IGFBP7: variants seen among roughly 807,000 people sequenced by gnomAD.
IGFBP7 encodes insulin like growth factor binding protein 7.
IGFBP7 carries 31 observed loss-of-function variants against 29.4 expected under a neutral mutation model. The ratio of observed to expected loss-of-function variants is 1.05; its 90% CI spans 0.79 to 1.42. IGFBP7 has a LOEUF of 1.42. IGFBP7 is among the 40% of genes most tolerant of loss of function. The pLI, the probability that IGFBP7 is intolerant of heterozygous loss-of-function variation, is 0.00. For missense variants in IGFBP7, 393 were observed against 395.5 expected (o/e 0.99, Z 0.05); for synonymous variants, 172 against 174.9 (o/e 0.98, Z 0.13).
intron 2 of IGFBP7, among the ~76,000 whole-genome samples, chr4:57,034,479 C>T (rs1724034140): frequency 6.6e-6 from 1 of 151,988 alleles, no homozygotes; most frequent in Non-Finnish European, 1.5e-5. Flanking sequence ...TAGCTAGTTT[C>T]CTTTTCATTT....
chr4:57,073,941 C>T (rs1468454430), intron 1 of IGFBP7, among the ~76,000 whole-genome samples: 2 of 152,196 alleles, frequency 1.3e-5, no homozygotes, highest in East Asian at 1.9e-4. Context: ...GAGGACCTAG[C>T]GACTTTCCCA....
chr4:57,078,265 A>T (rs1725277249), intron 1 of IGFBP7, among the ~76,000 whole-genome samples: 1 of 152,132 alleles, frequency 6.6e-6, no homozygotes, highest in Non-Finnish European at 1.5e-5. Context: ...TTTACAGAGG[A>T]GGAAACTGAG....
intron 1 of IGFBP7, among the ~76,000 whole-genome samples, chr4:57,085,016 T>C (rs1168554960): frequency 6.6e-6 from 1 of 152,050 alleles, no homozygotes; most frequent in Non-Finnish European, 1.5e-5. Context: ...CTCGAACTCC[T>C]GGGATCAAGC....
intron 1 of IGFBP7, among the ~76,000 whole-genome samples, chr4:57,079,425 C>T (rs993685752): frequency 1.3e-5 from 2 of 152,142 alleles, no homozygotes; most frequent in African/African-American, 4.8e-5. Context: ...AGAGCAGAGC[C>T]TTGCTTATCT....
chr4:57,106,846 T>G (rs1172757682), intron 1 of IGFBP7, among the ~76,000 whole-genome samples: 1 of 152,216 alleles, frequency 6.6e-6, no homozygotes, highest in Non-Finnish European at 1.5e-5. Context: ...TGTATCAACT[T>G]CTTTTTATTA....
intron 1 of IGFBP7, among the ~76,000 whole-genome samples, chr4:57,049,586 T>G (rs1254854044): frequency 6.6e-6 from 1 of 152,210 alleles, no homozygotes; most frequent in Non-Finnish European, 1.5e-5. Context: ...TTCATTTCTC[T>G]TTGACATTTT....
intron 1 of IGFBP7, among the ~76,000 whole-genome samples, chr4:57,097,008 CT>C (rs758221046): frequency 5.3e-4 from 80 of 152,254 alleles, no homozygotes; most frequent in Non-Finnish European, 1.0e-3. Flanking sequence ...TAATTGTGCT[CT>C]TTTTCTGCCA....
intron 2 of IGFBP7, among the ~76,000 whole-genome samples, chr4:57,036,927 A>G (rs41495551): frequency 0.17 from 25,950 of 152,246 alleles, 2,814 homozygotes; most frequent in Middle Eastern, 0.31. Flanking sequence ...TGTATTCTTA[A>G]CAGTCTGGTT....
intron 1 of IGFBP7, among the ~76,000 whole-genome samples, chr4:57,074,000 C>A (rs1018204689): frequency 6.6e-6 from 1 of 152,132 alleles, no homozygotes; most frequent in Non-Finnish European, 1.5e-5. Context: ...AAGCGAGCTT[C>A]CAAACTCTGC....
intron 1 of IGFBP7, among the ~76,000 whole-genome samples, chr4:57,043,357 A>G (rs1724276819): frequency 6.6e-6 from 1 of 152,180 alleles, no homozygotes; most frequent in African/African-American, 2.4e-5. Flanking sequence ...TGGGTCTCCT[A>G]TCCTAGCAAA....
chr4:57,058,399 A>G (rs1208742105), intron 1 of IGFBP7, among the ~76,000 whole-genome samples: 1 of 152,196 alleles, frequency 6.6e-6, no homozygotes, highest in Admixed American at 6.5e-5. Context: ...TGGTACAAAA[A>G]CAAACATCTA....
chr4:57,059,598 G>A (rs948474568), intron 1 of IGFBP7, among the ~76,000 whole-genome samples: 2 of 152,120 alleles, frequency 1.3e-5, no homozygotes, highest in Non-Finnish European at 2.9e-5. Context: ...CTACTTGAGG[G>A]TGGAGGGTGG....
intron 1 of IGFBP7, among the ~76,000 whole-genome samples, chr4:57,097,634 G>A (rs918727910): frequency 1.5e-5 from 2 of 132,044 alleles, no homozygotes; most frequent in African/African-American, 5.1e-5. Context: ...AGGTACCAAT[G>A]TTTTTCATGT....
At chr4:57,052,094 A>AGAGTACTGCGGCAAGTACTATTGACC (rs1724518573) in intron 1 of IGFBP7, among the ~76,000 whole-genome samples, 1 of 152,138 alleles carries the variant, frequency 6.6e-6, no homozygotes, top group African/African-American at 2.4e-5. Context: ...GCATTTCCCA[A>AGAGTACTGCGGCAAGTACTATTGACC]GATGATTTTG....
intron 1 of IGFBP7, among the ~76,000 whole-genome samples, chr4:57,054,254 A>AG (rs11440533): frequency 0.83 from 125,756 of 151,902 alleles, 52,543 homozygotes; most frequent in East Asian, 0.94. Context: ...ACTACCTGTA[A>AG]GGGAGGCTCA....
intron 1 of IGFBP7, among the ~76,000 whole-genome samples, chr4:57,105,375 A>T (rs1442767916): frequency 6.6e-6 from 1 of 152,204 alleles, no homozygotes; most frequent in Non-Finnish European, 1.5e-5. Flanking sequence ...TCATTCATTG[A>T]TTCATGCATT....
intron 1 of IGFBP7, among the ~76,000 whole-genome samples, chr4:57,089,023 C>T (rs1345058892): frequency 8.4e-6 from 1 of 118,918 alleles, no homozygotes; most frequent in Non-Finnish European, 1.7e-5. Flanking sequence ...CAGAGTGAGA[C>T]TCTGTCTCAA....
intron 1 of IGFBP7, among the ~76,000 whole-genome samples, chr4:57,060,676 G>C (rs1436851327): frequency 6.6e-6 from 1 of 152,204 alleles, no homozygotes; most frequent in African/African-American, 2.4e-5. Flanking sequence ...TTGGGAGGCT[G>C]AGGTGGGAGG....
chr4:57,110,101 C>A lies in IGFBP7; in HGVS notation c.251G>T (p.Gly84Val). The A allele has an allele frequency of 6.5e-7, 1 of 1,535,046 alleles. No individual in the cohort carries two copies. Residue 84 changes from glycine to valine, a missense_variant, in exon 1 of 5, where the codon GGC (glycine) becomes GTC (valine). Gly to Val is a moderately radical substitution (Grantham distance 109, BLOSUM62 -3). Transcript: ENST00000295666. ...CTTGCGGCTCTTCACGCACTCCATG[C>A]CCGGCGCGCAGTACCCCCTGCCGGC... ...GGAGRGYCAP[G>V]MECVKSRKRR...
Sources: gnomAD v4.1 joint callset for allele counts (sites outside exome capture counted in the v4.1 genomes callset) on GRCh38, gnomAD v4.1.1 for gene constraint, MANE v1.5 for transcripts, NCBI Gene and HGNC (gene_info 2026-07-23, HGNC 2026-07-21) for gene names.